Variants in TRPM3 observed in about 807,000 individuals in gnomAD.
TRPM3 encodes transient receptor potential cation channel subfamily M member 3, also known as long transient receptor potential channel 3.
A neutral mutation model predicts 181.2 loss-of-function variants in TRPM3; 77 were observed. The observed-to-expected ratio is 0.42, with a 90% CI of 0.35 to 0.51. The LOEUF (loss-of-function observed/expected upper bound fraction) is 0.51. Ranked by LOEUF, TRPM3 falls within the 20% of genes least tolerant of loss-of-function variation. The pLI, the probability that TRPM3 is intolerant of heterozygous loss-of-function variation, is 0.01. For missense variants in TRPM3, 1,759 were observed against 2,196.7 expected (o/e 0.80, Z 3.98); for synonymous variants, 745 against 796.4 (o/e 0.94, Z 1.09).
intron 1 of TRPM3, among the ~76,000 whole-genome samples, chr9:70,879,811 T>C (rs1162098672): frequency 1.3e-5 from 2 of 152,134 alleles, no homozygotes; most frequent in East Asian, 1.9e-4. Context: ...TTGGGACAAA[T>C]GTAACTGACC....
intron 1 of TRPM3, among the ~76,000 whole-genome samples, chr9:70,922,089 G>A (rs867358396): frequency 6.6e-6 from 1 of 152,090 alleles, no homozygotes; most frequent in Non-Finnish European, 1.5e-5. Context: ...GGTCTTGCTT[G>A]AAAGAAGTTC....
chr9:71,360,014 A>G lies in TRPM3; in HGVS notation c.183+86639T>C, dbSNP rs973489650. Among the ~76,000 whole-genome samples the G allele has an allele frequency of 3.3e-5, 5 of 152,190 alleles. No individual in the cohort carries two copies. The East Asian group carries it at 9.6e-4, about 29-fold the overall frequency. On this transcript the variant is annotated intron_variant, in intron 1 of 24. Coordinates refer to the TRPM3 transcript ENST00000357533. ...CTTAGTGGGAATTCAGTGAACACTT[A>G]TTACATACAAAAGAAAGAATGAACA...
At chr9:71,076,822 T>A (rs185320290) in intron 1 of TRPM3, among the ~76,000 whole-genome samples, 1 of 152,192 alleles carries the variant, frequency 6.6e-6, no homozygotes, top group Non-Finnish European at 1.5e-5. Context: ...TACAGTGTGA[T>A]TGAGAATCAC....
intron 3 of TRPM3, among the ~76,000 whole-genome samples, chr9:70,853,296 T>C (rs2095293178): frequency 6.6e-6 from 1 of 152,218 alleles, no homozygotes; most frequent in South Asian, 2.1e-4. Flanking sequence ...TGGCTCTAGA[T>C]GGGGCTGTTC....
chr9:71,162,094 G>A (rs2076297993), intron 1 of TRPM3, among the ~76,000 whole-genome samples: 1 of 151,352 alleles, frequency 6.6e-6, no homozygotes, highest in Non-Finnish European at 1.5e-5. Context: ...CAACTACTGA[G>A]GAGGCTGAGA....
chr9:71,124,940 A>G (rs1207824767), upstream of TRPM3, among the ~76,000 whole-genome samples: 3 of 152,198 alleles, frequency 2.0e-5, 1 homozygote, highest in African/African-American at 7.2e-5. Context: ...TTCAGAGTTT[A>G]TTATTACAAC....
intron 1 of TRPM3, among the ~76,000 whole-genome samples, chr9:71,189,538 G>A (rs1333444753): frequency 1.3e-5 from 2 of 151,710 alleles, no homozygotes; most frequent in East Asian, 3.9e-4. Context: ...CAGCTTTTGT[G>A]TTATAATCCC....
intron 1 of TRPM3, among the ~76,000 whole-genome samples, chr9:71,375,983 G>A (rs1046193594): frequency 2.0e-5 from 3 of 152,038 alleles, no homozygotes; most frequent in South Asian, 2.1e-4. Context: ...GTCTGGAACC[G>A]AACCTACAAT....
chr9:71,418,505 C>T (rs1194222453), intron 1 of TRPM3, among the ~76,000 whole-genome samples: 1 of 151,728 alleles, frequency 6.6e-6, no homozygotes, highest in Non-Finnish European at 1.5e-5. Context: ...TCATCCTTGC[C>T]CACATGACCA....
chr9:70,617,951 C>T (rs1307236288), intron 17 of TRPM3, among the ~76,000 whole-genome samples: 2 of 152,072 alleles, frequency 1.3e-5, no homozygotes, highest in African/African-American at 4.8e-5. Context: ...GGTGACAGAG[C>T]AAGACCTTGT....
chr9:70,561,704 T>C (rs1159933915), intron 22 of TRPM3, among the ~76,000 whole-genome samples: 1 of 152,216 alleles, frequency 6.6e-6, no homozygotes, highest in African/African-American at 2.4e-5. Context: ...AGGCAGCCAC[T>C]GGAAATTGGT....
At chr9:71,374,374 A>C (rs749629518) in intron 1 of TRPM3, among the ~76,000 whole-genome samples, 1 of 152,182 alleles carries the variant, frequency 6.6e-6, no homozygotes, top group Admixed American at 6.6e-5. Flanking sequence ...TCCGTGTCAA[A>C]AAAACAAAAC....
At chr9:71,322,391 A>T (rs1480596250) in intron 1 of TRPM3, among the ~76,000 whole-genome samples, 2 of 152,160 alleles carry the variant, frequency 1.3e-5, no homozygotes, top group Admixed American at 6.6e-5. Context: ...TTCTCATAAG[A>T]TTGCAAGAAA....
At chr9:70,842,964 T>C (rs756677851) in intron 5 of TRPM3, 39 bp downstream of exon 5, 177 of 1,606,992 alleles carry the variant, frequency 1.1e-4, no homozygotes, top group Non-Finnish European at 1.4e-4. Flanking sequence ...ATATCCCCTC[T>C]AGGAGAAGTC....
At chr9:71,323,348 T>C (rs190822570) in intron 1 of TRPM3, among the ~76,000 whole-genome samples, 1 of 152,330 alleles carries the variant, frequency 6.6e-6, no homozygotes, top group Non-Finnish European at 1.5e-5. Flanking sequence ...TTTTTCTTAC[T>C]GTAGAACTTT....
chr9:70,750,845 G>A (rs1313838215), intron 8 of TRPM3, among the ~76,000 whole-genome samples: 2 of 152,128 alleles, frequency 1.3e-5, no homozygotes, highest in Non-Finnish European at 2.9e-5. Flanking sequence ...GAGACAACCA[G>A]GTGAGACATC....
chr9:70,679,644 T>A (rs2064930942), intron 9 of TRPM3, among the ~76,000 whole-genome samples: 1 of 152,182 alleles, frequency 6.6e-6, no homozygotes, highest in Non-Finnish European at 1.5e-5. Context: ...ATCTTGAGCA[T>A]GTTACTGAAT....
chr9:71,244,072 G>A (rs941163239), intron 1 of TRPM3, among the ~76,000 whole-genome samples: 5 of 152,124 alleles, frequency 3.3e-5, no homozygotes, highest in African/African-American at 9.7e-5. Context: ...TGTGGCCTAC[G>A]TATAGTAAGG....
intron 1 of TRPM3, among the ~76,000 whole-genome samples, chr9:71,167,585 C>G (rs977364239): frequency 1.2e-4 from 18 of 152,164 alleles, no homozygotes; most frequent in African/African-American, 4.1e-4. Context: ...CAATCTTCCA[C>G]TCCTTACAGA....
Sources: gnomAD v4.1 joint callset for allele counts (sites outside exome capture counted in the v4.1 genomes callset) on GRCh38, gnomAD v4.1.1 for gene constraint, MANE v1.5 for transcripts, NCBI Gene and HGNC (gene_info 2026-07-23, HGNC 2026-07-21) for gene names.